The following ROBO2 variants were observed in gnomAD, a reference collection of about 807,000 sequenced individuals.
ROBO2 encodes roundabout homolog 2.
Under a neutral mutation model 160.8 loss-of-function variants are expected in ROBO2, and 53 were observed. The ratio of observed to expected loss-of-function variants is 0.33; its 90% CI spans 0.26 to 0.41. ROBO2 has a LOEUF of 0.41. Among genes scored for constraint, ROBO2 ranks in the 10% least tolerant of loss-of-function variants. The pLI is 1.00. For missense variants in ROBO2, 1,577 were observed against 1,722.4 expected (o/e 0.92, Z 1.49); for synonymous variants, 664 against 611.7 (o/e 1.09, Z -1.26).
At chr3:77,429,903 A>G (rs2078603568) in intron 2 of ROBO2, among the ~76,000 whole-genome samples, 1 of 152,064 alleles carries the variant, frequency 6.6e-6, no homozygotes. Flanking sequence ...CTCAAGAGAG[A>G]GAATCTGGAT....
intron 2 of ROBO2, among the ~76,000 whole-genome samples, chr3:76,585,544 T>C (rs2085979709): frequency 6.6e-6 from 1 of 152,162 alleles, no homozygotes; most frequent in Admixed American, 6.5e-5. Flanking sequence ...TCTAGAAAGA[T>C]CCCAAATGAT....
intron 2 of ROBO2, among the ~76,000 whole-genome samples, chr3:76,878,101 G>A (rs150824757): frequency 9.9e-5 from 15 of 152,186 alleles, no homozygotes; most frequent in African/African-American, 3.1e-4. Flanking sequence ...ATTTGGTGTC[G>A]GAGTATGATT....
intron 2 of ROBO2, among the ~76,000 whole-genome samples, chr3:76,516,980 G>A (rs2107821358): frequency 6.6e-6 from 1 of 152,282 alleles, no homozygotes; most frequent in East Asian, 1.9e-4. Context: ...TGAAAGAATG[G>A]AGATGAGAAA....
intron 2 of ROBO2, among the ~76,000 whole-genome samples, chr3:77,451,836 G>T (rs1022945674): frequency 6.6e-6 from 1 of 151,424 alleles, no homozygotes; most frequent in African/African-American, 2.4e-5. Flanking sequence ...TGGTCTGTTA[G>T]GTGTGTATAC....
At chr3:76,226,675 T>A (rs1704308241) in intron 2 of ROBO2, among the ~76,000 whole-genome samples, 1 of 152,138 alleles carries the variant, frequency 6.6e-6, no homozygotes, top group African/African-American at 2.4e-5. Context: ...ATAAAAAAAA[T>A]TAGTTACAAT....
intron 2 of ROBO2, among the ~76,000 whole-genome samples, chr3:76,621,408 A>G (rs2089069846): frequency 6.6e-6 from 1 of 152,218 alleles, no homozygotes; most frequent in Non-Finnish European, 1.5e-5. Flanking sequence ...AAATGGTTTT[A>G]CCCAAATCTC....
intron 2 of ROBO2, among the ~76,000 whole-genome samples, chr3:77,401,284 A>G (rs944238687): frequency 1.3e-5 from 2 of 150,714 alleles, no homozygotes; most frequent in Non-Finnish European, 3.0e-5. Context: ...AAACTCAAAG[A>G]GGGGATTTCA....
intron 2 of ROBO2, among the ~76,000 whole-genome samples, chr3:76,607,716 C>G (rs12489161): frequency 0.084 from 12,847 of 152,248 alleles, 740 homozygotes; most frequent in Middle Eastern, 0.15. Context: ...ATTCACTGAA[C>G]TTATTTGCTA....
At chr3:75,922,123 TGATAAA>T (rs1476706467) in intron 1 of ROBO2, among the ~76,000 whole-genome samples, 7 of 152,108 alleles carry the variant, frequency 4.6e-5, no homozygotes, top group African/African-American at 1.7e-4. Context: ...ATCCAATATA[TGATAAA>T]GATAGTGTTT....
chr3:76,801,136 A>C (rs1200294934), intron 2 of ROBO2, among the ~76,000 whole-genome samples: 1 of 152,214 alleles, frequency 6.6e-6, no homozygotes, highest in Non-Finnish European at 1.5e-5. Context: ...ATGTTAAGTG[A>C]AATAAACCAG....
intron 2 of ROBO2, among the ~76,000 whole-genome samples, chr3:76,494,032 A>G (rs1371639120): frequency 3.3e-5 from 5 of 152,192 alleles, no homozygotes; most frequent in Non-Finnish European, 5.9e-5. Flanking sequence ...TAAAAGGATG[A>G]TATGTATGTG....
intron 2 of ROBO2, among the ~76,000 whole-genome samples, chr3:75,965,550 A>G (rs920829146): frequency 1.1e-4 from 1 of 8,824 alleles, no homozygotes; most frequent in Admixed American, 2.2e-3. Flanking sequence ...TTCCAAACTA[A>G]GCTAATCATC....
At chr3:76,058,574 T>TCGAAACAG (rs1391593368) in intron 2 of ROBO2, among the ~76,000 whole-genome samples, 2 of 140,178 alleles carry the variant, frequency 1.4e-5, no homozygotes, top group African/African-American at 2.7e-5. Flanking sequence ...CTATCACACG[T>TCGAAACAG]CGAAACAGCA....
At position 77,314,236 on chromosome 3, in the gene ROBO2, G is replaced by C. The variant is rs539549316; in HGVS notation, c.389-163178G>C. 7.9e-5 allele frequency among the ~76,000 whole-genome samples: 12 copies of C among 152,264 alleles called. No individual in the cohort carries two copies. The East Asian group carries it at 2.3e-3, about 29-fold the overall frequency. Reference sequence around the variant, plus strand: ...GGGGACCACCACAAACATTCGGCAAGCACCAATAATGATTATCCATATACT... The same window carrying C: ...GGGGACCACCACAAACATTCGGCAACCACCAATAATGATTATCCATATACT... On this transcript the variant is annotated intron_variant, in intron 2 of 25. Coordinates refer to ENST00000461745, the Ensembl canonical transcript of ROBO2.
chr3:76,786,402 G>A (rs1425387643), intron 2 of ROBO2, among the ~76,000 whole-genome samples: 2 of 151,240 alleles, frequency 1.3e-5, no homozygotes, highest in African/African-American at 4.8e-5. Flanking sequence ...TTCTGCATAG[G>A]TCTCAGGAAA....
chr3:76,864,945 G>C (rs956509112), intron 2 of ROBO2, among the ~76,000 whole-genome samples: 3 of 152,016 alleles, frequency 2.0e-5, no homozygotes, highest in African/African-American at 7.2e-5. Flanking sequence ...TTTTAACAAT[G>C]CACAATATAA....
chr3:77,648,939 G>A (rs745421396), exon 26 of ROBO2: 14 of 152,284 alleles, frequency 9.2e-5, no homozygotes, highest in Admixed American at 5.2e-4. Context: ...ATGCTGCAAT[G>A]CAATCATGTC....
intron 2 of ROBO2, among the ~76,000 whole-genome samples, chr3:76,394,701 T>G (rs554739310): frequency 2.0e-5 from 3 of 152,164 alleles, no homozygotes; most frequent in African/African-American, 7.2e-5. Context: ...AAAACAGACT[T>G]GAAACCACCA....
At chr3:76,211,644 C>T (rs1419366645) in intron 2 of ROBO2, among the ~76,000 whole-genome samples, 1 of 151,992 alleles carries the variant, frequency 6.6e-6, no homozygotes, top group Non-Finnish European at 1.5e-5. Context: ...TCTACAGAAG[C>T]TGTGTGTCCA....
Sources: allele counts gnomAD v4.1 joint callset (sites outside exome capture counted in the v4.1 genomes callset), GRCh38; gene constraint gnomAD v4.1.1; transcripts MANE v1.5; gene names NCBI Gene and HGNC (gene_info 2026-07-23, HGNC 2026-07-21).